SGCZ: variants seen among roughly 807,000 people sequenced by gnomAD.
The protein encoded by SGCZ is sarcoglycan zeta, also known as zeta-sarcoglycan.
Under a neutral mutation model 41.3 loss-of-function variants are expected in SGCZ, and 40 were observed. That is an observed-to-expected ratio of 0.97 (90% CI 0.75 to 1.26). The LOEUF (loss-of-function observed/expected upper bound fraction) is 1.26, where lower values mean the gene tolerates loss of function less well. Among genes scored for constraint, SGCZ ranks in the 50% most tolerant of loss-of-function variants. The probability of loss-of-function intolerance (pLI) is 0.00; values close to 1 mark genes in which losing one functional copy is unlikely to be tolerated. For missense variants in SGCZ, 552 were observed against 369.8 expected (o/e 1.49, Z -4.04); for synonymous variants, 206 against 137.5 (o/e 1.50, Z -3.49).
intron 4 of SGCZ, among the ~76,000 whole-genome samples, chr8:14,169,623 G>A (rs1389516315): frequency 6.6e-6 from 1 of 152,080 alleles, no homozygotes; most frequent in Non-Finnish European, 1.5e-5. Context: ...ACTTCCTGTA[G>A]CCAGTCCACA....
intron 1 of SGCZ, among the ~76,000 whole-genome samples, chr8:14,726,331 T>C (rs868637585): frequency 6.9e-6 from 1 of 144,538 alleles, no homozygotes; most frequent in African/African-American, 2.5e-5. Flanking sequence ...TATCTATATA[T>C]ATATATATAT....
chr8:14,920,370 C>G (rs1308257607), intron 1 of SGCZ, among the ~76,000 whole-genome samples: 1 of 152,182 alleles, frequency 6.6e-6, no homozygotes, highest in East Asian at 1.9e-4. Flanking sequence ...ACAAAGAAAG[C>G]TAGACAACCT....
At chr8:15,052,556 G>T (rs1261299894) in intron 1 of SGCZ, among the ~76,000 whole-genome samples, 1 of 152,072 alleles carries the variant, frequency 6.6e-6, no homozygotes, top group African/African-American at 2.4e-5. Context: ...TTCCTTGAGG[G>T]TGGCTTTCTA....
intron 1 of SGCZ, among the ~76,000 whole-genome samples, chr8:14,638,123 G>A (rs1806896909): frequency 6.6e-6 from 1 of 151,744 alleles, no homozygotes. Context: ...TCATTAATAT[G>A]ATCTCTACTT....
intron 3 of SGCZ, among the ~76,000 whole-genome samples, chr8:14,266,886 G>C (rs1266914270): frequency 6.6e-6 from 1 of 152,036 alleles, no homozygotes; most frequent in African/African-American, 2.4e-5. Context: ...CCACAAAATG[G>C]AGTAGAGGAA....
chr8:14,387,428 A>G (rs1804613774), intron 2 of SGCZ, among the ~76,000 whole-genome samples: 1 of 152,196 alleles, frequency 6.6e-6, no homozygotes, highest in South Asian at 2.1e-4. Context: ...CCTCTTGTCA[A>G]AAACCTTTAC....
At chr8:14,445,988 C>G (rs1336902769) in intron 2 of SGCZ, among the ~76,000 whole-genome samples, 1 of 152,172 alleles carries the variant, frequency 6.6e-6, no homozygotes. Flanking sequence ...TGCTGATGTG[C>G]TCCCTCCTGC....
chr8:15,110,658 C>G (rs12682086), intron 1 of SGCZ, among the ~76,000 whole-genome samples: 81,355 of 152,006 alleles, frequency 0.54, 22,394 homozygotes, highest in Admixed American at 0.66. Flanking sequence ...TGGCACTAGC[C>G]AGCACCTTCA....
chr8:14,842,191 G>T (rs770397710), intron 1 of SGCZ, among the ~76,000 whole-genome samples: 3 of 152,072 alleles, frequency 2.0e-5, no homozygotes, highest in African/African-American at 7.2e-5. Context: ...AATGGAGTTC[G>T]AAGGACCAAC....
At chr8:15,007,802 A>G (rs1016894016) in intron 1 of SGCZ, among the ~76,000 whole-genome samples, 5 of 152,232 alleles carry the variant, frequency 3.3e-5, no homozygotes, top group Non-Finnish European at 5.9e-5. Context: ...AGATAGCAGC[A>G]TTTATTATTG....
intron 1 of SGCZ, among the ~76,000 whole-genome samples, chr8:15,066,416 T>C (rs996301851): frequency 6.6e-6 from 1 of 152,080 alleles, no homozygotes; most frequent in Admixed American, 6.5e-5. Flanking sequence ...TATATTATAA[T>C]AACTGTTCCA....
At chr8:14,769,816 C>CAAAAAAAAAAAAAAAAAAAAAAA (rs1800174947) in intron 1 of SGCZ, among the ~76,000 whole-genome samples, 1 of 91,216 alleles carries the variant, frequency 1.1e-5, no homozygotes, top group Non-Finnish European at 1.9e-5. Context: ...AAAAAAAAAA[C>CAAAAAAAAAAAAAAAAAAAAAAA]CCAGCAACAA....
intron 2 of SGCZ, among the ~76,000 whole-genome samples, chr8:14,488,615 C>T (rs1183144197): frequency 2.6e-5 from 4 of 152,086 alleles, no homozygotes; most frequent in African/African-American, 9.7e-5. Context: ...GTGCCCCAAT[C>T]TTTCCATCGC....
chr8:14,173,270 T>C (rs907574659), intron 4 of SGCZ, among the ~76,000 whole-genome samples: 2 of 151,268 alleles, frequency 1.3e-5, no homozygotes, highest in Admixed American at 6.6e-5. Flanking sequence ...AAATCAGCAA[T>C]AGAATGGGGC....
At chr8:14,278,671 C>T (rs1189560480) in intron 3 of SGCZ, among the ~76,000 whole-genome samples, 1 of 151,994 alleles carries the variant, frequency 6.6e-6, no homozygotes, top group Non-Finnish European at 1.5e-5. Flanking sequence ...AATGAAATTG[C>T]CATTGATTTG....
At chr8:14,217,628 G>GT (rs1168241820) in intron 4 of SGCZ, among the ~76,000 whole-genome samples, 1,837 of 100,792 alleles carry the variant, frequency 0.018, 32 homozygotes, top group Non-Finnish European at 0.024. Flanking sequence ...TTCAACTAAA[G>GT]TTTTTTTTTT....
intron 1 of SGCZ, among the ~76,000 whole-genome samples, chr8:15,151,585 T>C (rs1020117329): frequency 6.6e-6 from 1 of 152,218 alleles, no homozygotes; most frequent in Non-Finnish European, 1.5e-5. Context: ...GAAATCTGAA[T>C]ACATTTTCAC....
chr8:15,188,392 T>C lies in SGCZ; in HGVS notation c.39+49193A>G, dbSNP rs144319625. 4.2e-3 allele frequency among the ~76,000 whole-genome samples: 640 copies of C among 152,252 alleles called. 3 individuals carry two copies. The highest frequency in any genetic ancestry group is 0.02 in the Middle Eastern group (6 of 294). Reference sequence around the variant, plus strand: ...TTTAAAGTATCTCTCTGTTAATCTATAGATCTACATTAGCTGAAGATGCAG... The same window carrying C: ...TTTAAAGTATCTCTCTGTTAATCTACAGATCTACATTAGCTGAAGATGCAG... On this transcript the variant is annotated intron_variant, in intron 1 of 7. Transcript: ENST00000382080.
intron 1 of SGCZ, among the ~76,000 whole-genome samples, chr8:14,965,907 T>C (rs1276323616): frequency 6.6e-6 from 1 of 152,076 alleles, no homozygotes; most frequent in Non-Finnish European, 1.5e-5. Context: ...ATACTCTACC[T>C]CTAACTCATG....
Sources: allele counts gnomAD v4.1 joint callset (sites outside exome capture counted in the v4.1 genomes callset), GRCh38; gene constraint gnomAD v4.1.1; transcripts MANE v1.5; gene names NCBI Gene and HGNC (gene_info 2026-07-23, HGNC 2026-07-21).